DCAF1: variants seen among roughly 807,000 people sequenced by gnomAD.
DCAF1 encodes DDB1- and CUL4-associated factor 1.
A neutral mutation model predicts 128.0 loss-of-function variants in DCAF1; 15 were observed. The observed-to-expected ratio is 0.12, with a 90% CI of 0.08 to 0.18. The LOEUF (loss-of-function observed/expected upper bound fraction) is 0.18. Among genes scored for constraint, DCAF1 ranks in the 10% least tolerant of loss-of-function variants. The pLI, the probability that DCAF1 is intolerant of heterozygous loss-of-function variation, is 1.00. For synonymous variants in DCAF1, 610 were observed against 603.0 expected (o/e 1.01, Z -0.17); for missense variants, 988 against 1,649.5 (o/e 0.60, Z 6.95).
At chr3:51,447,298 T>C (rs1701972790) in intron 6 of DCAF1, among the ~76,000 whole-genome samples, 1 of 151,784 alleles carries the variant, frequency 6.6e-6, no homozygotes, top group African/African-American at 2.4e-5. Context: ...TAGTTCCAAC[T>C]ATTCGGGAGG....
chr3:51,403,284 T>G lies in DCAF1; in HGVS notation c.4324A>C (p.Asn1442His). The stretch of plus-strand genomic sequence containing the variant: ...CCATCTTCCCCTGCGTTCTCATTAT[T>G]GTCGTCCTCCTCCAACTCCGCCTCC... The part of the protein sequence containing the change: ...LLEAELEEDD[N>H]NENAGEDGDN... The change falls in exon 24 of 25, where the codon AAT (asparagine) becomes CAT (histidine). Residue 1442 changes from asparagine (N) to histidine (H), a missense_variant. Asn to His is a moderately conservative substitution (Grantham distance 68). This residue lies in a region of DCAF1 where 97 missense variants were observed against 134.5 expected (regional missense o/e 0.72). Transcript: ENST00000684031. 6.2e-7 allele frequency: 1 copy of G among 1,605,022 alleles called. No individual in the cohort carries two copies. Among genetic ancestry groups the G allele is most frequent in the Non-Finnish European group, 8.5e-7 (1 of 1,175,852 alleles).
rs782652276 is a variant in DCAF1, at chr3:51,483,731, G to A, written c.98C>T (p.Pro33Leu). The A allele has an allele frequency of 2.5e-6, 4 of 1,612,258 alleles. No homozygotes were observed. In the South Asian group the frequency reaches 3.3e-5, roughly 13 times the overall value. Residue 33 changes from proline to leucine, a missense_variant, in exon 3 of 25, where the codon CCT (proline) becomes CTT (leucine). By Grantham distance (98) the Pro-to-Leu change is moderately conservative. Around this residue, in one of 11 missense-constraint regions of DCAF1, gnomAD observed 48 missense variants for 52.6 expected, o/e 0.91. Coordinates refer to ENST00000684031, the MANE Select transcript of DCAF1 (RefSeq NM_001387579.1). ...AAGTTATTCATACCTGGTAAGGATAGGTACCATGTCCTGCCCACTGCCATG... is the reference window on the plus strand; with the variant it reads ...AAGTTATTCATACCTGGTAAGGATAAGTACCATGTCCTGCCCACTGCCATG... The part of the protein sequence containing the change: ...KEHGSGQDMV[P>L]ILTRMSQLIE...
intron 3 of DCAF1, among the ~76,000 whole-genome samples, chr3:51,473,474 G>A (rs1372767301): frequency 1.3e-4 from 5 of 37,254 alleles, no homozygotes; most frequent in South Asian, 7.9e-4. Context: ...ATGGGCGACA[G>A]AATGAGACTC....
At chr3:51,409,596 A>G (rs1698217028) in intron 23 of DCAF1, among the ~76,000 whole-genome samples, 3 of 152,240 alleles carry the variant, frequency 2.0e-5, no homozygotes, top group Admixed American at 2.0e-4. Context: ...CAGAACTGAT[A>G]CTTGGTAGTG....
At chr3:51,426,918 T>C (rs182687230) in intron 13 of DCAF1, among the ~76,000 whole-genome samples, 10 of 152,362 alleles carry the variant, frequency 6.6e-5, no homozygotes, top group South Asian at 2.1e-4. Flanking sequence ...CTTGTCCTGC[T>C]CTGCCTTAAA....
At chr3:51,440,448 A>T (rs540501588) in intron 9 of DCAF1, among the ~76,000 whole-genome samples, 14 of 152,122 alleles carry the variant, frequency 9.2e-5, no homozygotes, top group South Asian at 2.1e-4. Context: ...CTCTATAAAA[A>T]TTTTTTTTAA....
At chr3:51,446,745 G>A (rs1701890237) in intron 6 of DCAF1, among the ~76,000 whole-genome samples, 1 of 151,944 alleles carries the variant, frequency 6.6e-6, no homozygotes, top group South Asian at 2.1e-4. Flanking sequence ...GGATCACCTT[G>A]AGGACAGGAG....
At chr3:51,424,715 T>C (rs1460909709) in intron 13 of DCAF1, among the ~76,000 whole-genome samples, 2 of 152,118 alleles carry the variant, frequency 1.3e-5, no homozygotes, top group Non-Finnish European at 2.9e-5. Flanking sequence ...ATCTCAAGAA[T>C]ATAAGGGTAA....
At chr3:51,478,381 G>C (rs569475806) in intron 3 of DCAF1, among the ~76,000 whole-genome samples, 3 of 152,270 alleles carry the variant, frequency 2.0e-5, no homozygotes, top group African/African-American at 7.2e-5. Flanking sequence ...TTGCATGGCT[G>C]AAGAGCATAG....
At position 51,464,505 on chromosome 3, in the gene DCAF1, G is replaced by A. The variant is rs984617439; in HGVS notation, c.262-1278C>T. Among the ~76,000 whole-genome samples, 5 of 151,886 alleles carry A rather than the reference G, an allele frequency of 3.3e-5. No individual in the cohort carries two copies. In the Middle Eastern group the frequency reaches 0.01, roughly 310 times the overall value. On this transcript the variant is annotated intron_variant, in intron 5 of 24. Transcript: ENST00000684031. Reference sequence around the variant, plus strand: ...AGCCCAGGAGTTCAAGACCAGCCTGGGCAACCCAGTGAAATCTTGTCTCTA... The same window carrying A: ...AGCCCAGGAGTTCAAGACCAGCCTGAGCAACCCAGTGAAATCTTGTCTCTA...
At chr3:51,446,989 AT>A (rs1701927547) in intron 6 of DCAF1, among the ~76,000 whole-genome samples, 1 of 147,840 alleles carries the variant, frequency 6.8e-6, no homozygotes, top group Non-Finnish European at 1.5e-5. Flanking sequence ...AATAATAATA[AT>A]AATAATAATA....
chr3:51,471,412 T>A (rs1205627493), intron 3 of DCAF1, among the ~76,000 whole-genome samples: 1 of 151,794 alleles, frequency 6.6e-6, no homozygotes. Context: ...CTCGATCTCC[T>A]GACCTCGTGA....
intron 6 of DCAF1, among the ~76,000 whole-genome samples, chr3:51,461,504 C>T (rs1325223884): frequency 5.9e-5 from 9 of 151,994 alleles, no homozygotes; most frequent in African/African-American, 9.6e-5. Flanking sequence ...GTCAGTGTGG[C>T]GATTCCTCAG....
intron 2 of DCAF1, among the ~76,000 whole-genome samples, chr3:51,487,030 C>G (rs373113736): frequency 9.9e-5 from 15 of 151,548 alleles, no homozygotes; most frequent in African/African-American, 3.4e-4. Flanking sequence ...TGCAGTGGCA[C>G]AATCTCAGCT....
chr3:51,412,330 A>C, intron 23 of DCAF1, 49 bp downstream of exon 23: 1 of 1,611,462 alleles, frequency 6.2e-7, no homozygotes, highest in Non-Finnish European at 8.5e-7. Flanking sequence ...GCAGAGCATA[A>C]CCTCTATTAA....
At chr3:51,413,159 A>G (rs529514631) in intron 21 of DCAF1, 93 bp from the exon 22 acceptor site, 9 of 1,569,660 alleles carry the variant, frequency 5.7e-6, no homozygotes, top group African/African-American at 2.7e-5. Context: ...TGATTGCTCA[A>G]AAGTATTTCC....
chr3:51,399,084 C>T (rs1228671985), intron 24 of DCAF1, among the ~76,000 whole-genome samples: 13 of 152,220 alleles, frequency 8.5e-5, no homozygotes, highest in Non-Finnish European at 5.9e-5. Context: ...GCCTGGGAGG[C>T]GCTGAAGGGA....
chr3:51,493,495 T>C (rs1707890895), intron 2 of DCAF1, among the ~76,000 whole-genome samples: 1 of 152,052 alleles, frequency 6.6e-6, no homozygotes. Flanking sequence ...CAAATGTTCT[T>C]GGTAGCATTA....
chr3:51,441,139 T>C, intron 8 of DCAF1, 68 bp from the exon 9 acceptor site: 1 of 1,417,120 alleles, frequency 7.1e-7, no homozygotes. Context: ...ATTCCACTCT[T>C]TGAGGATAGA....
Sources: allele counts gnomAD v4.1 joint callset (sites outside exome capture counted in the v4.1 genomes callset), GRCh38; gene constraint gnomAD v4.1.1; regional missense constraint gnomAD v4.1.1; transcripts MANE v1.5; gene names NCBI Gene and HGNC (gene_info 2026-07-23, HGNC 2026-07-21).